MYO16: variants seen among roughly 807,000 people sequenced by gnomAD.
MYO16 encodes unconventional myosin-XVI.
MYO16 carries 94 observed loss-of-function variants against 205.3 expected under a neutral mutation model. The ratio of observed to expected loss-of-function variants is 0.46; its 90% confidence interval spans 0.39 to 0.54. MYO16 has a LOEUF of 0.54. Ranked by LOEUF, MYO16 falls within the 20% of genes least tolerant of loss-of-function variation. The pLI, the probability that MYO16 is intolerant of heterozygous loss-of-function variation, is 0.00. For synonymous variants in MYO16, 988 were observed against 954.0 expected (o/e 1.04, Z -0.66); for missense variants, 2,315 against 2,387.5 (o/e 0.97, Z 0.63).
intron 2 of MYO16, among the ~76,000 whole-genome samples, chr13:108,676,596 G>A (rs1440728238): frequency 6.6e-6 from 1 of 152,150 alleles, no homozygotes; most frequent in East Asian, 1.9e-4. Context: ...CCCATCCAAG[G>A]ACTTGCGTCC....
chr13:109,035,380 T>G (rs1194219330), intron 23 of MYO16, among the ~76,000 whole-genome samples: 1 of 152,140 alleles, frequency 6.6e-6, no homozygotes, highest in Non-Finnish European at 1.5e-5. Flanking sequence ...GGACTGTGTT[T>G]CTTTATTTAA....
intron 15 of MYO16, among the ~76,000 whole-genome samples, chr13:108,903,976 G>GT (rs1566402486): frequency 2.0e-5 from 3 of 152,152 alleles, no homozygotes; most frequent in African/African-American, 7.2e-5. Flanking sequence ...GGAAATAGTT[G>GT]TTACCATTTT....
the MYO16 span, among the ~76,000 whole-genome samples, chr13:108,532,347 G>A: frequency 1.3e-5 from 2 of 151,890 alleles, no homozygotes; most frequent in Admixed American, 6.6e-5. Flanking sequence ...TTAACAACAT[G>A]GAATTTATTG....
intron 4 of MYO16, among the ~76,000 whole-genome samples, chr13:108,729,060 A>G (rs1317082251): frequency 6.6e-6 from 1 of 151,422 alleles, no homozygotes; most frequent in Non-Finnish European, 1.5e-5. Flanking sequence ...TGGAGGGTAT[A>G]TTAAGGAAAG....
chr13:109,078,930 C>T (rs1888198686), intron 27 of MYO16, among the ~76,000 whole-genome samples: 1 of 152,116 alleles, frequency 6.6e-6, no homozygotes, highest in African/African-American at 2.4e-5. Context: ...TTTTCTGGGA[C>T]TTAGGTAGTC....
chr13:108,928,386 A>G (rs1162894801), intron 16 of MYO16, among the ~76,000 whole-genome samples: 1 of 152,218 alleles, frequency 6.6e-6, no homozygotes, highest in African/African-American at 2.4e-5. Flanking sequence ...ATCTACAGCA[A>G]TGTTATATAG....
chr13:108,929,187 A>C (rs1281765333), intron 16 of MYO16, among the ~76,000 whole-genome samples: 1 of 152,234 alleles, frequency 6.6e-6, no homozygotes, highest in East Asian at 1.9e-4. Context: ...AGCCAAACTC[A>C]GGAAGTTCCT....
chr13:109,206,666 G>A lies in MYO16; in HGVS notation c.5473G>A (p.Asp1825Asn), dbSNP rs201909564. ...NESVALQELLDWRRKLCEEGQ... is the reference protein window; with the variant it reads ...NESVALQELLNWRRKLCEEGQ... ...AAGTGTGGCCCTGCAGGAACTCTTG[G>A]ACTGGAGGAGAAAGCTCTGTGAGGA... is the stretch of plus-strand genomic sequence containing the variant. Residue 1825 changes from aspartate (D) to asparagine (N), a missense_variant, in exon 35 of 35, where the codon GAC (aspartate) becomes AAC (asparagine). Physicochemically the swap from Asp to Asn is conservative, Grantham distance 23 (BLOSUM62 1). This residue lies in a region of MYO16 where 1,097 missense variants were observed against 1,092.0 expected (regional missense o/e 1.00). Coordinates refer to ENST00000457511, the MANE Select transcript of MYO16 (RefSeq NM_001198950.3). The A allele has an allele frequency of 1.8e-5, 29 of 1,614,146 alleles. 1 individual carries two copies. In the East Asian group the frequency reaches 6.5e-4, roughly 36 times the overall value.
intron 15 of MYO16, among the ~76,000 whole-genome samples, chr13:108,901,278 T>TC (rs1313220962): frequency 1.3e-5 from 2 of 152,112 alleles, no homozygotes; most frequent in African/African-American, 2.4e-5. Context: ...ATTTGTACAC[T>TC]CCCTCCCCTT....
At chr13:109,088,791 G>A (rs1373087778) in intron 27 of MYO16, among the ~76,000 whole-genome samples, 1 of 152,202 alleles carries the variant, frequency 6.6e-6, no homozygotes, top group Non-Finnish European at 1.5e-5. Flanking sequence ...GAAGCACACA[G>A]AGGAGGAGAG....
At chr13:108,934,566 G>GT (rs1882398548) in intron 16 of MYO16, among the ~76,000 whole-genome samples, 2 of 152,116 alleles carry the variant, frequency 1.3e-5, no homozygotes, top group South Asian at 4.2e-4. Context: ...TCTGTTGATA[G>GT]TTTTTTTCGT....
chr13:108,726,125 T>A (rs1376119461), intron 3 of MYO16, among the ~76,000 whole-genome samples: 1 of 152,164 alleles, frequency 6.6e-6, no homozygotes, highest in African/African-American at 2.4e-5. Context: ...GGGAGAGAAA[T>A]CTGTTCTATG....
chr13:108,976,112 G>C (rs1262326312), intron 20 of MYO16, among the ~76,000 whole-genome samples: 1 of 152,100 alleles, frequency 6.6e-6, no homozygotes, highest in Admixed American at 6.6e-5. Flanking sequence ...TAGAAAAGCA[G>C]AGCAATAAGA....
intron 33 of MYO16, among the ~76,000 whole-genome samples, chr13:109,168,723 T>TA (rs1220867664): frequency 1.3e-5 from 2 of 152,180 alleles, no homozygotes. Context: ...AGACTTTGTC[T>TA]AAAAAAATAA....
intron 23 of MYO16, among the ~76,000 whole-genome samples, chr13:109,040,385 C>CACACAGAGAGAGAGAGAG (rs1394314811): frequency 3.4e-4 from 38 of 113,286 alleles, no homozygotes; most frequent in African/African-American, 9.3e-4. Context: ...CACACACACA[C>CACACAGAGAGAGAGAGAG]AGAGAGAGAG....
the MYO16 span, among the ~76,000 whole-genome samples, chr13:108,500,470 C>T: frequency 2.0e-5 from 3 of 151,842 alleles, no homozygotes; most frequent in South Asian, 2.1e-4. Flanking sequence ...CATCGTGATC[C>T]ACTCGCCTCG....
intron 1 of MYO16, among the ~76,000 whole-genome samples, chr13:108,614,668 C>G (rs1436507631): frequency 6.6e-6 from 1 of 151,990 alleles, no homozygotes; most frequent in East Asian, 1.9e-4. Flanking sequence ...GAAATAAACA[C>G]TTATATTTAT....
At chr13:108,815,544 G>A (rs1323016682) in intron 7 of MYO16, among the ~76,000 whole-genome samples, 2 of 152,164 alleles carry the variant, frequency 1.3e-5, no homozygotes, top group South Asian at 2.1e-4. Flanking sequence ...CAAAACTGGA[G>A]AAGCCAGAAA....
intron 11 of MYO16, among the ~76,000 whole-genome samples, chr13:108,863,666 C>T (rs1184128785): frequency 6.6e-6 from 1 of 151,998 alleles, no homozygotes. Flanking sequence ...TGCAATATTC[C>T]TATTAGAGTC....
Sources: gnomAD v4.1 joint callset for allele counts (sites outside exome capture counted in the v4.1 genomes callset) on GRCh38, gnomAD v4.1.1 for gene constraint, gnomAD v4.1.1 regional missense constraint, MANE v1.5 for transcripts, NCBI Gene and HGNC (gene_info 2026-07-23, HGNC 2026-07-21) for gene names.